NAALADL2: variants seen among roughly 807,000 people sequenced by gnomAD.
NAALADL2 encodes the protein N-acetylated alpha-linked acidic dipeptidase like 2.
A neutral mutation model predicts 87.2 loss-of-function variants in NAALADL2; 76 were observed. The observed-to-expected ratio is 0.87, with a 90% CI of 0.72 to 1.05. The LOEUF is 1.05. Ranked by LOEUF, NAALADL2 falls within the 50% of genes least tolerant of loss-of-function variation. The pLI is 0.00. For synonymous variants in NAALADL2, 354 were observed against 331.0 expected, an observed-to-expected ratio of 1.07 and a Z score of -0.75; for missense variants, 1,089 against 945.8, an observed-to-expected ratio of 1.15 and a Z score of -1.99.
At chr3:175,467,272 T>A (rs9839245) in intron 8 of NAALADL2, 88 bp downstream of exon 8, 2 of 1,041,526 alleles carry the variant, frequency 1.9e-6, no homozygotes, top group Non-Finnish European at 2.8e-6. Context: ...CCAAGGGCAA[T>A]AATGTGCTTC....
chr3:175,668,736 T>C (rs1733544688), intron 11 of NAALADL2, among the ~76,000 whole-genome samples: 1 of 152,260 alleles, frequency 6.6e-6, no homozygotes, highest in Non-Finnish European at 1.5e-5. Context: ...ATAAACATAT[T>C]TTTTCCCTTT....
chr3:175,543,188 A>G (rs577841918), intron 9 of NAALADL2, among the ~76,000 whole-genome samples: 26 of 152,062 alleles, frequency 1.7e-4, no homozygotes, highest in Non-Finnish European at 3.2e-4. Context: ...CCTACTGCCT[A>G]TTGATGTAGG....
intron 9 of NAALADL2, among the ~76,000 whole-genome samples, chr3:175,505,881 G>A (rs1024830591): frequency 7.9e-5 from 12 of 152,208 alleles, no homozygotes; most frequent in Middle Eastern, 3.4e-3. Flanking sequence ...TTACATCATT[G>A]GATTTTTTAA....
At chr3:174,884,272 T>G (rs1469564235) in intron 1 of NAALADL2, among the ~76,000 whole-genome samples, 1 of 152,138 alleles carries the variant, frequency 6.6e-6, no homozygotes, top group Non-Finnish European at 1.5e-5. Flanking sequence ...AAAGAAACAG[T>G]ACCATATGTT....
At chr3:175,051,540 G>A (rs1469324005) in intron 1 of NAALADL2, among the ~76,000 whole-genome samples, 1 of 152,194 alleles carries the variant, frequency 6.6e-6, no homozygotes, top group African/African-American at 2.4e-5. Context: ...TGCACTGGCA[G>A]TCAGTATCAT....
chr3:175,405,469 T>C (rs1047450695), intron 5 of NAALADL2, among the ~76,000 whole-genome samples: 37 of 152,186 alleles, frequency 2.4e-4, no homozygotes, highest in African/African-American at 8.2e-4. Context: ...TTAAGGTTTA[T>C]ATACGATAAT....
intron 3 of NAALADL2, among the ~76,000 whole-genome samples, chr3:174,842,661 G>T (rs768248630): frequency 1.4e-4 from 22 of 152,104 alleles, no homozygotes; most frequent in Non-Finnish European, 3.2e-4. Context: ...TAATTACAAT[G>T]CTTTGTAGTT....
chr3:175,499,739 A>C (rs944225120), intron 9 of NAALADL2, among the ~76,000 whole-genome samples: 1 of 152,100 alleles, frequency 6.6e-6, no homozygotes, highest in Admixed American at 6.6e-5. Flanking sequence ...TATTGCACAA[A>C]TTATTGCCTC....
intron 2 of NAALADL2, among the ~76,000 whole-genome samples, chr3:175,177,000 C>T (rs1490565762): frequency 2.0e-5 from 3 of 151,918 alleles, no homozygotes; most frequent in South Asian, 4.2e-4. Context: ...AAGAATAAAC[C>T]GTAGACTGTG....
chr3:175,546,030 C>G (rs944198916), intron 9 of NAALADL2, among the ~76,000 whole-genome samples: 2 of 151,970 alleles, frequency 1.3e-5, no homozygotes, highest in African/African-American at 4.8e-5. Context: ...TAATAGAGTA[C>G]AATACACCTT....
chr3:175,185,259 A>G (rs1007196323), intron 2 of NAALADL2, among the ~76,000 whole-genome samples: 14 of 152,246 alleles, frequency 9.2e-5, no homozygotes, highest in African/African-American at 3.4e-4. Context: ...CTGAAGATGC[A>G]TATATCCTAT....
At chr3:175,466,529 C>T (rs1724047153) in intron 7 of NAALADL2, among the ~76,000 whole-genome samples, 1 of 152,012 alleles carries the variant, frequency 6.6e-6, no homozygotes, top group South Asian at 2.1e-4. Context: ...AATTAATTCC[C>T]TGTGGAATTA....
intron 4 of NAALADL2, among the ~76,000 whole-genome samples, chr3:175,307,189 AT>A (rs1218782864): frequency 3.3e-5 from 5 of 152,324 alleles, no homozygotes; most frequent in African/African-American, 1.2e-4. Flanking sequence ...AATTAAAAAA[AT>A]ATACAAATAA....
At chr3:174,777,349 T>A (rs145046851) in intron 3 of NAALADL2, among the ~76,000 whole-genome samples, 22 of 152,164 alleles carry the variant, frequency 1.4e-4, no homozygotes, top group Non-Finnish European at 3.1e-4. Context: ...ATGAAAATTA[T>A]AAGTAAAACT....
intron 1 of NAALADL2, among the ~76,000 whole-genome samples, chr3:174,933,833 C>T (rs1303367069): frequency 6.6e-6 from 1 of 152,070 alleles, no homozygotes; most frequent in African/African-American, 2.4e-5. Context: ...CCATTGTGAA[C>T]CATAGTGAAC....
At chr3:174,734,590 C>T (rs1226705357) in intron 2 of NAALADL2, among the ~76,000 whole-genome samples, 6 of 152,064 alleles carry the variant, frequency 3.9e-5, no homozygotes, top group Admixed American at 2.0e-4. Context: ...CTTCAACATA[C>T]GAATTTTGGG....
At chr3:175,277,059 TG>T (rs1169635999) in intron 4 of NAALADL2, among the ~76,000 whole-genome samples, 2 of 152,140 alleles carry the variant, frequency 1.3e-5, no homozygotes, top group South Asian at 2.1e-4. Flanking sequence ...AGTATAGACA[TG>T]TTGACGCCAA....
chr3:174,565,851 T>A (rs1396619459), intron 2 of NAALADL2, among the ~76,000 whole-genome samples: 1 of 152,038 alleles, frequency 6.6e-6, no homozygotes, highest in African/African-American at 2.4e-5. Flanking sequence ...TCAATTTGGA[T>A]TTTAGTATAA....
intron 4 of NAALADL2, among the ~76,000 whole-genome samples, chr3:175,318,368 G>A (rs1759421302): frequency 6.6e-6 from 1 of 151,606 alleles, no homozygotes; most frequent in South Asian, 2.1e-4. Context: ...AAAAATGATG[G>A]AACTTTTTTT....
Sources: gnomAD v4.1 joint callset for allele counts (sites outside exome capture counted in the v4.1 genomes callset) on GRCh38, gnomAD v4.1.1 for gene constraint, MANE v1.5 for transcripts, NCBI Gene and HGNC (gene_info 2026-07-23, HGNC 2026-07-21) for gene names.